USP15: variants seen among roughly 807,000 people sequenced by gnomAD.
USP15 encodes the protein ubiquitin carboxyl-terminal hydrolase 15.
Under a neutral mutation model 127.1 loss-of-function variants are expected in USP15, and 18 were observed. The ratio of observed to expected loss-of-function variants is 0.14; its 90% confidence interval spans 0.10 to 0.21. USP15 has a LOEUF of 0.21. Ranked by LOEUF, USP15 falls within the 10% of genes least tolerant of loss-of-function variation. USP15 has a pLI of 1.00. For missense variants in USP15, 805 were observed against 1,159.9 expected (o/e 0.69, Z 4.44); for synonymous variants, 364 against 393.7 (o/e 0.92, Z 0.89).
At chr12:62,362,369 A>G (rs1215150500) in intron 8 of USP15, among the ~76,000 whole-genome samples, 1 of 152,040 alleles carries the variant, frequency 6.6e-6, no homozygotes, top group African/African-American at 2.4e-5. Flanking sequence ...ATAATACAAG[A>G]TGCTCTCATT....
At chr12:62,365,820 C>T (rs919659114) in intron 8 of USP15, among the ~76,000 whole-genome samples, 3 of 152,114 alleles carry the variant, frequency 2.0e-5, no homozygotes, top group Non-Finnish European at 4.4e-5. Flanking sequence ...ATCCTTTCCC[C>T]GTTGCTTGTT....
chr12:62,269,863 C>A (rs893655120), intron 1 of USP15, among the ~76,000 whole-genome samples: 1 of 152,030 alleles, frequency 6.6e-6, no homozygotes, highest in Non-Finnish European at 1.5e-5. Flanking sequence ...TTTGAATAAT[C>A]CTGCTATGAA....
At chr12:62,331,197 C>G (rs1011037030) in intron 6 of USP15, among the ~76,000 whole-genome samples, 13 of 152,126 alleles carry the variant, frequency 8.5e-5, no homozygotes, top group African/African-American at 3.1e-4. Flanking sequence ...TAACCAGTTC[C>G]TAGCTAGGGT....
Position 62,415,023 on chromosome 12 carries a change from G to A in USP15, c.*10648G>A, listed in dbSNP as rs1044972698. On this transcript the variant is annotated 3_prime_UTR_variant, in exon 22 of 22. Transcript: ENST00000280377. ...CATATATATATATATATATGAGGGA[G>A]AGAAAGATTTATAAGGAATTAGTTC... The A allele has an allele frequency of 8.1e-6, 1 of 123,432 alleles. No individual in the cohort carries two copies. The highest frequency in any genetic ancestry group is 1.7e-5 in the Non-Finnish European group (1 of 57,158). 7.6% of individuals were successfully genotyped at this position (123,432 alleles called of 1,614,324 possible). A position where few individuals can be genotyped will look rare whatever the true frequency, so the allele number is the denominator to read the frequency against.
At position 62,289,215 on chromosome 12, in the gene USP15, C is replaced by CTTGTTGTTGTTGTTG. The variant is rs143937716; in HGVS notation, c.90-4948_90-4934dup. ...AGCTCTGAATCTGTCCTCTCCTGAGCTTGTTGTTGTTGTTGTTGTTGTTGT... is the reference window on the plus strand; with the variant it reads ...AGCTCTGAATCTGTCCTCTCCTGAGCTTGTTGTTGTTGTTGTTGTTGTTGTTGTTGTTGTTGTTGT... On this transcript the variant is annotated intron_variant, in intron 1 of 21. Coordinates refer to ENST00000280377, the MANE Select transcript of USP15 (RefSeq NM_001252078.2). Among the ~76,000 whole-genome samples, 1,277 of 150,648 alleles carry CTTGTTGTTGTTGTTG rather than the reference C, an allele frequency of 8.5e-3. 7 individuals are homozygous for CTTGTTGTTGTTGTTG. Among genetic ancestry groups the CTTGTTGTTGTTGTTG allele is most frequent in the South Asian group, 0.028 (133 of 4,746 alleles).
At position 62,416,242 on chromosome 12, in the gene USP15, G is replaced by T. The variant is rs1014681795; in HGVS notation, c.*11867G>T. 6.6e-6 allele frequency: 1 copy of T among 152,158 alleles called. No individual in the cohort carries two copies. The highest frequency in any genetic ancestry group is 2.4e-5 in the African/African-American group (1 of 41,442). The allele number at this position is 152,158 out of a possible 1,614,324, so 9.4% of individuals were successfully genotyped here. On this transcript the variant is annotated 3_prime_UTR_variant, in exon 22 of 22. Coordinates refer to ENST00000280377, the MANE Select transcript of USP15 (RefSeq NM_001252078.2). Reference sequence around the variant, plus strand: ...CTTGCTAGATCTTCTGACATCAACTGCCACCTTGGGCTATAAGTTACGTGT... The same window carrying T: ...CTTGCTAGATCTTCTGACATCAACTTCCACCTTGGGCTATAAGTTACGTGT...
At chr12:62,368,584 A>G (rs923518073) in intron 8 of USP15, among the ~76,000 whole-genome samples, 6 of 151,908 alleles carry the variant, frequency 3.9e-5, no homozygotes, top group African/African-American at 1.5e-4. Flanking sequence ...GTCTCTTTTG[A>G]TCCTTGTTGG....
intron 8 of USP15, among the ~76,000 whole-genome samples, chr12:62,364,416 A>G (rs1353425295): frequency 1.3e-5 from 2 of 152,216 alleles, no homozygotes; most frequent in Non-Finnish European, 2.9e-5. Flanking sequence ...GTTCAGTTGC[A>G]TGGTGCATAA....
rs1330192863 is a variant in USP15, at chr12:62,349,522, T to C, written c.770+215T>C. 2.6e-5 allele frequency among the ~76,000 whole-genome samples: 4 copies of C among 152,072 alleles called. No homozygotes were observed. In the East Asian group the frequency reaches 7.7e-4, roughly 29 times the overall value. ...CATATACTGAAAGAAATAAAACACT[T>C]AAATTTTATATACTAAACACTAATC... is the stretch of plus-strand genomic sequence containing the variant. On this transcript the variant is annotated intron_variant, in intron 7 of 21. Coordinates refer to ENST00000280377, the MANE Select transcript of USP15 (RefSeq NM_001252078.2).
chr12:62,306,213 G>A (rs191608667), intron 3 of USP15, among the ~76,000 whole-genome samples: 20 of 152,264 alleles, frequency 1.3e-4, no homozygotes, highest in Non-Finnish European at 2.5e-4. Context: ...AACATTGTGA[G>A]ATAATGTTTG....
intron 4 of USP15, among the ~76,000 whole-genome samples, chr12:62,316,275 C>T (rs189158207): frequency 1.1e-4 from 14 of 128,514 alleles, no homozygotes; most frequent in African/African-American, 3.8e-4. Flanking sequence ...CAGAGTGAGA[C>T]TTTATCTCAA....
intron 17 of USP15, 42 bp from the exon 18 acceptor site, chr12:62,392,230 T>C (rs1419738205): frequency 7.6e-7 from 1 of 1,321,332 alleles, no homozygotes; most frequent in African/African-American, 1.5e-5. Context: ...AAATGAGTTT[T>C]GTTTCATTTG....
intron 6 of USP15, among the ~76,000 whole-genome samples, chr12:62,342,591 T>C (rs773403406): frequency 6.6e-6 from 1 of 152,134 alleles, no homozygotes; most frequent in Non-Finnish European, 1.5e-5. Context: ...GGGGTTTTTA[T>C]TGGGGGGTCT....
rs374696378 is a variant in USP15, at chr12:62,321,248, T to C, written c.476-216T>C. ...ACTCTTACCTTTTGAGATTTTAAAT[T>C]CCCCAAGTAATTTGTTGGAGTACAA... On this transcript the variant is annotated intron_variant, in intron 4 of 21. Coordinates refer to ENST00000280377, the MANE Select transcript of USP15 (RefSeq NM_001252078.2). Among the ~76,000 whole-genome samples the C allele has an allele frequency of 3.9e-5, 6 of 152,274 alleles. No homozygotes were observed. The East Asian group carries it at 7.7e-4, about 20-fold the overall frequency.
intron 1 of USP15, among the ~76,000 whole-genome samples, chr12:62,291,997 G>A (rs183468746): frequency 9.8e-5 from 15 of 152,310 alleles, no homozygotes; most frequent in Admixed American, 9.2e-4. Flanking sequence ...GGTAACAGTG[G>A]GGTTTACGCT....
chr12:62,267,644 T>TAA (rs1003428353), intron 1 of USP15, among the ~76,000 whole-genome samples: 12 of 152,094 alleles, frequency 7.9e-5, no homozygotes, highest in African/African-American at 2.7e-4. Flanking sequence ...ATTAGCGTGG[T>TAA]AATTCCCCAC....
chr12:62,279,743 T>G (rs2063595688), intron 1 of USP15, among the ~76,000 whole-genome samples: 2 of 152,164 alleles, frequency 1.3e-5, no homozygotes, highest in Non-Finnish European at 2.9e-5. Context: ...AAAACAAGCA[T>G]TAGAAAAGAA....
intron 8 of USP15, among the ~76,000 whole-genome samples, chr12:62,368,325 C>G (rs2066547611): frequency 6.6e-6 from 1 of 152,122 alleles, no homozygotes; most frequent in Non-Finnish European, 1.5e-5. Flanking sequence ...TCTATTAGGT[C>G]TGCTTCGTCC....
intron 5 of USP15, 133 bp downstream of exon 5, chr12:62,321,742 T>C (rs1007265669): frequency 8.0e-6 from 5 of 628,322 alleles, no homozygotes; most frequent in South Asian, 7.9e-5. Flanking sequence ...CTCTTGTCTT[T>C]CCTTGCTGGT....
Sources: allele counts gnomAD v4.1 joint callset (sites outside exome capture counted in the v4.1 genomes callset), GRCh38; gene constraint gnomAD v4.1.1; transcripts MANE v1.5; gene names NCBI Gene and HGNC (gene_info 2026-07-23, HGNC 2026-07-21).